PRKD1: variants seen among roughly 807,000 people sequenced by gnomAD.
PRKD1 encodes protein kinase D1.
A neutral mutation model predicts 95.9 loss-of-function variants in PRKD1; 63 were observed. The ratio of observed to expected loss-of-function variants is 0.66; its 90% CI spans 0.54 to 0.81. PRKD1 has a LOEUF of 0.81. Ranked by LOEUF, PRKD1 falls within the 30% of genes least tolerant of loss-of-function variation. PRKD1 has a pLI of 0.00. For synonymous variants in PRKD1, 425 were observed against 423.1 expected, an observed-to-expected ratio of 1.00 and a Z score of -0.05; for missense variants, 1,048 against 1,165.3, an observed-to-expected ratio of 0.90 and a Z score of 1.47.
intron 1 of PRKD1, among the ~76,000 whole-genome samples, chr14:29,775,019 A>T (rs1459543068): frequency 6.6e-6 from 1 of 152,222 alleles, no homozygotes; most frequent in Admixed American, 6.5e-5. Context: ...TTTGAGGCAT[A>T]AAATGACAAC....
intron 1 of PRKD1, among the ~76,000 whole-genome samples, chr14:29,858,315 A>G (rs2139353212): frequency 6.6e-6 from 1 of 152,322 alleles, no homozygotes; most frequent in East Asian, 1.9e-4. Context: ...TGGTTTTTAC[A>G]CTACTGTTGT....
rs77454534 is a variant in PRKD1 at position 29,887,080 on chromosome 14, T to G, written c.264+40169A>C. On this transcript the variant is annotated intron_variant, in intron 1 of 17. Coordinates refer to ENST00000331968, the MANE Select transcript of PRKD1 (RefSeq NM_002742.3). ...CAGCAATGATGCACCAAAAGTATAATGCAAAATAAGACTTATGCCTGCTGT... is the reference window on the plus strand; with the variant it reads ...CAGCAATGATGCACCAAAAGTATAAGGCAAAATAAGACTTATGCCTGCTGT... 4.6e-5 allele frequency among the ~76,000 whole-genome samples: 7 copies of G among 152,302 alleles called. No homozygotes were observed. The East Asian group carries it at 1.4e-3, about 29-fold the overall frequency.
Position 29,636,273 on chromosome 14 carries a change from G to T in PRKD1, c.1190+17C>A. On this transcript the variant is annotated intron_variant, in intron 7 of 17. Coordinates refer to ENST00000331968, the MANE Select transcript of PRKD1 (RefSeq NM_002742.3). ...TGGGGTTCCCCTGTTGGCTGAGGCTGGGAGTGCTGCTCTCACCTGATGGTT... is the reference window on the plus strand; with the variant it reads ...TGGGGTTCCCCTGTTGGCTGAGGCTTGGAGTGCTGCTCTCACCTGATGGTT... 6.2e-7 allele frequency: 1 copy of T among 1,614,052 alleles called. No individual in the cohort carries two copies. Among genetic ancestry groups the T allele is most frequent in the Non-Finnish European group, 8.5e-7 (1 of 1,179,906 alleles).
intron 1 of PRKD1, among the ~76,000 whole-genome samples, chr14:29,729,857 T>C (rs1391246130): frequency 6.6e-6 from 1 of 152,040 alleles, no homozygotes; most frequent in Non-Finnish European, 1.5e-5. Flanking sequence ...CAATTCAAAA[T>C]ATTTTCTATC....
At chr14:29,827,035 A>T (rs1369803217) in intron 1 of PRKD1, among the ~76,000 whole-genome samples, 2 of 150,814 alleles carry the variant, frequency 1.3e-5, no homozygotes, top group Non-Finnish European at 3.0e-5. Context: ...ATGAGGATGC[A>T]AAGGCAGAAG....
At chr14:29,658,093 A>G (rs2048805150) in intron 4 of PRKD1, among the ~76,000 whole-genome samples, 1 of 152,180 alleles carries the variant, frequency 6.6e-6, no homozygotes, top group African/African-American at 2.4e-5. Context: ...CAATTTCTCA[A>G]TTTCCAAAGT....
chr14:29,647,365 C>T (rs985764440), intron 4 of PRKD1, among the ~76,000 whole-genome samples: 2 of 152,054 alleles, frequency 1.3e-5, no homozygotes, highest in African/African-American at 2.4e-5. Context: ...GGGAAAGCAC[C>T]AGAACTGTTC....
At chr14:29,653,289 T>A (rs1049463076) in intron 4 of PRKD1, among the ~76,000 whole-genome samples, 1 of 152,194 alleles carries the variant, frequency 6.6e-6, no homozygotes. Context: ...ATGATTTCTG[T>A]AAGGTGGCCT....
At chr14:29,871,355 G>T (rs1012622199) in intron 1 of PRKD1, among the ~76,000 whole-genome samples, 1 of 152,120 alleles carries the variant, frequency 6.6e-6, no homozygotes, top group African/African-American at 2.4e-5. Flanking sequence ...TTTGACTTTA[G>T]AAAAAAGAGT....
intron 1 of PRKD1, among the ~76,000 whole-genome samples, chr14:29,923,601 C>T (rs1442919468): frequency 6.6e-6 from 1 of 152,108 alleles, no homozygotes; most frequent in Non-Finnish European, 1.5e-5. Flanking sequence ...AGTGAGCTAT[C>T]TACTTAAAAT....
chr14:29,614,856 ATTTTTTT>A (rs55917722), intron 13 of PRKD1, among the ~76,000 whole-genome samples: 4 of 115,646 alleles, frequency 3.5e-5, no homozygotes, highest in South Asian at 3.0e-4. Context: ...TGCCCAGCTA[ATTTTTTT>A]TTTTTTTTTT....
chr14:29,906,669 GACTC>G (rs772195032), intron 1 of PRKD1, among the ~76,000 whole-genome samples: 17 of 152,218 alleles, frequency 1.1e-4, no homozygotes, highest in Non-Finnish European at 2.4e-4. Context: ...ACTGCAATCT[GACTC>G]ACATCAAAGC....
intron 2 of PRKD1, among the ~76,000 whole-genome samples, chr14:29,685,037 T>A (rs1049078159): frequency 1.3e-5 from 2 of 152,214 alleles, no homozygotes; most frequent in African/African-American, 4.8e-5. Flanking sequence ...TTTGGTGTAA[T>A]GTTTAGACAA....
chr14:29,697,353 C>A (rs1884582484), intron 2 of PRKD1, among the ~76,000 whole-genome samples: 1 of 152,090 alleles, frequency 6.6e-6, no homozygotes, highest in Non-Finnish European at 1.5e-5. Context: ...ACTCAGAGAG[C>A]AAATAACAGC....
In PRKD1 at chr14:29,775,753, C is replaced by G. The variant is rs10139961; in HGVS notation, c.265-50079G>C. On this transcript the variant is annotated intron_variant, in intron 1 of 17. Transcript: ENST00000331968. ...AGCTGAATAAAAGGCAGCAGAACCT[C>G]CTGCAAACTTAAATGTCCCTGTCTA... is the stretch of plus-strand genomic sequence containing the variant. Among the ~76,000 whole-genome samples the G allele has an allele frequency of 4.9e-3, 749 of 152,030 alleles. 6 individuals are homozygous for G. The highest frequency in any genetic ancestry group is 0.015 in the African/African-American group (639 of 41,506).
rs1408394280 is a variant in PRKD1 at position 29,776,902 on chromosome 14, G to A, written c.265-51228C>T. Among the ~76,000 whole-genome samples the A allele has an allele frequency of 3.9e-5, 6 of 152,228 alleles. No homozygotes were observed. The South Asian group carries it at 1.0e-3, about 26-fold the overall frequency. ...TTAAGGGCAGCCAGAGAGAAAGGTC[G>A]GGTTACCCTCAAAGGGAAGCCCATC... On this transcript the variant is annotated intron_variant, in intron 1 of 17. Transcript: ENST00000331968.
chr14:29,654,695 C>T (rs896991654), intron 4 of PRKD1, among the ~76,000 whole-genome samples: 5 of 152,166 alleles, frequency 3.3e-5, no homozygotes, highest in African/African-American at 4.8e-5. Context: ...TCCATGAAGG[C>T]GGATAATTTA....
chr14:29,688,858 G>A (rs1446560208), intron 2 of PRKD1, among the ~76,000 whole-genome samples: 2 of 150,904 alleles, frequency 1.3e-5, no homozygotes, highest in East Asian at 2.0e-4. Context: ...GTGTGAACCC[G>A]GGAGGTGGAG....
Position 29,914,569 on chromosome 14 carries a change from A to G in PRKD1, c.264+12680T>C, listed in dbSNP as rs534256587. On this transcript the variant is annotated intron_variant, in intron 1 of 17. Transcript: ENST00000331968. ...GTCAACAGAGTAAAACCCTATCTCT[A>G]CAAAAAATACAAAAATTAGCTAGGC... Among the ~76,000 whole-genome samples the G allele has an allele frequency of 5.6e-4, 85 of 152,232 alleles. No individual in the cohort carries two copies. The Middle Eastern group carries it at 0.01, about 18-fold the overall frequency.
Sources: allele counts gnomAD v4.1 joint callset (sites outside exome capture counted in the v4.1 genomes callset), GRCh38; gene constraint gnomAD v4.1.1; transcripts MANE v1.5; gene names NCBI Gene and HGNC (gene_info 2026-07-23, HGNC 2026-07-21).